The following NCOR2 variants were observed in gnomAD, a reference collection of about 807,000 sequenced individuals.
NCOR2 encodes the protein CTG repeat protein 26.
In NCOR2, 81 loss-of-function variants were observed where a neutral mutation model predicts 262.9. The ratio of observed to expected loss-of-function variants is 0.31; its 90% CI spans 0.26 to 0.37. The LOEUF is 0.37. Ranked by LOEUF, NCOR2 falls within the 10% of genes least tolerant of loss-of-function variation. NCOR2 has a pLI of 1.00. For missense variants in NCOR2, 3,385 were observed against 3,621.4 expected (o/e 0.93, Z 1.68); for synonymous variants, 1,659 against 1,559.3 (o/e 1.06, Z -1.51).
exon 20 of NCOR2, chr12:124,372,246 G>A (rs765596931): frequency 9.4e-6 from 15 of 1,592,642 alleles, no homozygotes; most frequent in Middle Eastern, 1.7e-4. Context: ...CGCTCTTGAC[G>A]GGCTCCTCGG....
At chr12:124,333,188 G>A (rs552079235) in exon 42 of NCOR2, 3 of 1,612,978 alleles carry the variant, frequency 1.9e-6, no homozygotes, top group Non-Finnish European at 2.5e-6. Flanking sequence ...CTCCGGGAGT[G>A]CCCTGGCTCC....
intron 16 of NCOR2, among the ~76,000 whole-genome samples, chr12:124,391,849 C>T (rs2041328846): frequency 6.6e-6 from 1 of 152,250 alleles, no homozygotes; most frequent in Non-Finnish European, 1.5e-5. Context: ...GTCTCGCCTA[C>T]CATTTCCGGA....
At chr12:124,349,294 C>T (rs2037223723) in intron 28 of NCOR2, among the ~76,000 whole-genome samples, 2 of 152,308 alleles carry the variant, frequency 1.3e-5, no homozygotes, top group East Asian at 1.9e-4. Context: ...CCAGAGCTAT[C>T]AGAAATGAGC....
At chr12:124,442,162 G>A (rs2044847690) in intron 7 of NCOR2, among the ~76,000 whole-genome samples, 1 of 152,090 alleles carries the variant, frequency 6.6e-6, no homozygotes, top group Non-Finnish European at 1.5e-5. Context: ...TTTGTTTTTA[G>A]AGACAGGGTC....
At chr12:124,484,909 G>A (rs1196575938) in intron 2 of NCOR2, among the ~76,000 whole-genome samples, 1 of 152,222 alleles carries the variant, frequency 6.6e-6, no homozygotes, top group East Asian at 1.9e-4. Context: ...CCTGTAGACT[G>A]ACTGAATGCT....
In NCOR2 at chr12:124,481,778, CA is replaced by C. The variant is rs1315520290; in HGVS notation, c.411+1817del. 6.6e-6 allele frequency among the ~76,000 whole-genome samples: 1 copy of C among 152,030 alleles called. No homozygotes were observed. The highest frequency in any genetic ancestry group is 6.5e-5 in the Admixed American group (1 of 15,272). On this transcript the variant is annotated intron_variant, in intron 3 of 46. Transcript: ENST00000405201. This position sits in a 1 kb window ranked among gnomAD's most constrained non-coding sequence, Gnocchi z 4.6. ...CAGGAGCCATGGATGGTTTGGAGCA[CA>C]GGGGGGAACACACAGGGGGATGCAG...
rs1202371831 is a variant in NCOR2, at chr12:124,504,261, G to T, written c.-117-8893C>A. ...CAGGTTAAAGCCAGAAAGCTGGGGT[G>T]CCCGGAGCGTCTCGTCAGGTCCCAG... is the stretch of plus-strand genomic sequence containing the variant. On this transcript the variant is annotated intron_variant, in intron 1 of 46. Transcript: ENST00000404621. The surrounding 1 kb of genome is among the most constrained non-coding windows in gnomAD (Gnocchi z 4.5). 6.6e-6 allele frequency among the ~76,000 whole-genome samples: 1 copy of T among 152,220 alleles called. No homozygotes were observed. The highest frequency in any genetic ancestry group is 1.5e-5 in the Non-Finnish European group (1 of 68,038).
intron 13 of NCOR2, among the ~76,000 whole-genome samples, chr12:124,414,054 C>T (rs1472401295): frequency 1.3e-5 from 2 of 152,194 alleles, no homozygotes; most frequent in African/African-American, 4.8e-5. Context: ...ATCATGAGCC[C>T]CTCTGCCGCC....
intron 16 of NCOR2, among the ~76,000 whole-genome samples, chr12:124,391,790 C>A (rs1437233249): frequency 6.6e-6 from 1 of 152,240 alleles, no homozygotes; most frequent in Non-Finnish European, 1.5e-5. Flanking sequence ...CTCAAAAAAA[C>A]CCAGACTCAT....
At chr12:124,437,231 C>G (rs1056026148) in intron 8 of NCOR2, among the ~76,000 whole-genome samples, 1 of 152,232 alleles carries the variant, frequency 6.6e-6, no homozygotes, top group African/African-American at 2.4e-5. Context: ...CCTGTTGAAG[C>G]CCATCTGAGT....
intron 5 of NCOR2, among the ~76,000 whole-genome samples, chr12:124,465,074 C>T (rs1351608219): frequency 2.0e-5 from 3 of 152,188 alleles, no homozygotes; most frequent in African/African-American, 7.2e-5. Flanking sequence ...GCACCCACCA[C>T]GTGACTCGAG....
Position 124,402,473 on chromosome 12 carries a change from T to C in NCOR2, c.1571A>G (p.Glu524Gly), listed in dbSNP as rs1411035519. 20 of 1,612,684 alleles carry C rather than the reference T, an allele frequency of 1.2e-5. No homozygotes were observed. Among genetic ancestry groups the C allele is most frequent in the South Asian group, 5.5e-5 (5 of 90,992 alleles). The change falls in exon 14 of 47, where the codon GAG becomes GGG. Residue 524 changes from glutamate to glycine, a missense_variant. Glu to Gly is a moderately conservative substitution (Grantham distance 98). This residue lies in a region of NCOR2 where 515 missense variants were observed against 781.2 expected (regional missense o/e 0.66). Coordinates refer to ENST00000405201, the Ensembl canonical transcript of NCOR2. ...CTCCTTCTCCGCCTCCTTTTCCTTC[T>C]CCTTCTCATCTTTCTCCTCCTGGCT... is the stretch of plus-strand genomic sequence containing the variant.
intron 1 of NCOR2, among the ~76,000 whole-genome samples, chr12:124,516,159 C>T (rs143208163): frequency 1.8e-3 from 278 of 152,350 alleles, no homozygotes; most frequent in African/African-American, 6.5e-3. Context: ...GCCCGGGGAA[C>T]TCCCCACTGG....
chr12:124,421,585 TAAG>T (rs1468170703), intron 12 of NCOR2, among the ~76,000 whole-genome samples: 2 of 152,194 alleles, frequency 1.3e-5, no homozygotes, highest in Non-Finnish European at 2.9e-5. Context: ...TCCTTTAAAA[TAAG>T]TGCCTCATCC....
intron 4 of NCOR2, among the ~76,000 whole-genome samples, chr12:124,466,764 G>A (rs993209820): frequency 3.3e-5 from 5 of 152,060 alleles, no homozygotes; most frequent in Non-Finnish European, 5.9e-5. Flanking sequence ...TGAGACTGGA[G>A]CCCAACTCCC....
At chr12:124,371,475 G>A (rs1055028090) in intron 20 of NCOR2, among the ~76,000 whole-genome samples, 1 of 152,232 alleles carries the variant, frequency 6.6e-6, no homozygotes, top group African/African-American at 2.4e-5. Context: ...AATGCCTGGT[G>A]TCCTCAGAAG....
chr12:124,379,828 G>C (rs1313276135), intron 17 of NCOR2, among the ~76,000 whole-genome samples: 1 of 152,250 alleles, frequency 6.6e-6, no homozygotes, highest in Non-Finnish European at 1.5e-5. Flanking sequence ...GAAGAAAAGG[G>C]AAACACGGAT....
chr12:124,500,770 T>G (rs2048657547), intron 1 of NCOR2, among the ~76,000 whole-genome samples: 1 of 151,168 alleles, frequency 6.6e-6, no homozygotes, highest in Non-Finnish European at 1.5e-5. Flanking sequence ...AGATTTTCTG[T>G]GTCTTGAGCG....
At chr12:124,411,263 CAT>C (rs1427511275) in intron 13 of NCOR2, among the ~76,000 whole-genome samples, 1 of 151,150 alleles carries the variant, frequency 6.6e-6, no homozygotes, top group African/African-American at 2.5e-5. Flanking sequence ...CGTGTGCGCG[CAT>C]ACACACACAG....
Sources: allele counts gnomAD v4.1 joint callset (sites outside exome capture counted in the v4.1 genomes callset), GRCh38; gene constraint gnomAD v4.1.1; regional missense constraint gnomAD v4.1.1; non-coding constraint Gnocchi (gnomAD v3.1); transcripts MANE v1.5; gene names NCBI Gene and HGNC (gene_info 2026-07-23, HGNC 2026-07-21).